SRRM3: variants seen among roughly 807,000 people sequenced by gnomAD.
The protein encoded by SRRM3 is serine/arginine repetitive matrix protein 3.
In SRRM3, 27 loss-of-function variants were observed where a neutral mutation model predicts 66.2. The ratio of observed to expected loss-of-function variants is 0.41; its 90% CI spans 0.30 to 0.56. The LOEUF (loss-of-function observed/expected upper bound fraction) is 0.56. Among genes scored for constraint, SRRM3 ranks in the 20% least tolerant of loss-of-function variants. The pLI, the probability that SRRM3 is intolerant of heterozygous loss-of-function variation, is 0.32. For missense variants in SRRM3, 918 were observed against 991.9 expected, an observed-to-expected ratio of 0.93 and a Z score of 1.00; for synonymous variants, 391 against 414.9, an observed-to-expected ratio of 0.94 and a Z score of 0.70.
At chr7:76,271,463 C>T (rs1207633786) in intron 11 of SRRM3, among the ~76,000 whole-genome samples, 1 of 151,892 alleles carries the variant, frequency 6.6e-6, no homozygotes, top group African/African-American at 2.4e-5. Flanking sequence ...GGCAACACTG[C>T]AAGACCCTGT....
intron 1 of SRRM3, among the ~76,000 whole-genome samples, chr7:76,205,772 G>A (rs1800286632): frequency 6.6e-6 from 1 of 152,144 alleles, no homozygotes. Flanking sequence ...TGGGCCACTG[G>A]GCCTGTCTAA....
At chr7:76,250,535 T>G (rs1249805721) in intron 3 of SRRM3, among the ~76,000 whole-genome samples, 1 of 152,126 alleles carries the variant, frequency 6.6e-6, no homozygotes, top group African/African-American at 2.4e-5. Context: ...CACCCAGTCT[T>G]AGTCATCGTA....
chr7:76,252,744 C>T (rs1160589764), intron 3 of SRRM3, among the ~76,000 whole-genome samples: 1 of 152,210 alleles, frequency 6.6e-6, no homozygotes, highest in East Asian at 1.9e-4. Flanking sequence ...GTCTTGACAT[C>T]ATAGGGAATG....
Position 76,214,254 on chromosome 7 carries a change from A to AAGT in SRRM3, c.-40+12187_-40+12188insAGT, listed in dbSNP as rs533667352. Among the ~76,000 whole-genome samples, 925 of 152,046 alleles carry AAGT rather than the reference A, an allele frequency of 6.1e-3. 7 individuals are homozygous for AAGT. Among genetic ancestry groups the AAGT allele is most frequent in the African/African-American group, 0.021 (868 of 41,442 alleles). On this transcript the variant is annotated intron_variant, in intron 1 of 14. Transcript: ENST00000611745. ...AGCAGAGTGGAGACTTGGAGAGGCC[A>AAGT]CTGCTGCACCAGGAGCTCCCACTCC...
intron 5 of SRRM3, 101 bp downstream of exon 5, chr7:76,260,298 GCCCCTCTCTGAGCCC>G (rs1801823820): frequency 5.6e-6 from 5 of 893,070 alleles, no homozygotes; most frequent in Non-Finnish European, 6.3e-6. Context: ...TGTGAGCCCC[GCCCCTCTCTGAGCCC>G]CTCCCTCGCC....
In SRRM3 at chr7:76,260,269, C is replaced by T. The variant is rs537276405; in HGVS notation, c.545+72C>T. ...TCTCTCCCCGGATGCCCGTCCCTGG[C>T]TCACAACCATGCAGCATTTGTGAGC... is the stretch of plus-strand genomic sequence containing the variant. On this transcript the variant is annotated intron_variant, in intron 5 of 14. Coordinates refer to ENST00000611745, the MANE Select transcript of SRRM3 (RefSeq NM_001110199.3). 1.2e-4 allele frequency: 144 copies of T among 1,205,636 alleles called. 5 individuals are homozygous for T. The South Asian group carries it at 2.1e-3, about 17-fold the overall frequency. The allele number at this position is 1,205,636 out of a possible 1,614,324, so 74.7% of individuals were successfully genotyped here. A position where few individuals can be genotyped will look rare whatever the true frequency, so the allele number is the denominator to read the frequency against.
chr7:76,236,005 C>CAAAAAAAAAAAAAAAA lies in SRRM3; in HGVS notation c.233+716_233+731dup, dbSNP rs1161706465. Among the ~76,000 whole-genome samples the CAAAAAAAAAAAAAAAA allele has an allele frequency of 2.1e-3, 42 of 20,270 alleles. 2 individuals carry two copies. Among genetic ancestry groups the CAAAAAAAAAAAAAAAA allele is most frequent in the Non-Finnish European group, 2.7e-3 (28 of 10,440 alleles). 13.3% of individuals were successfully genotyped at this position (20,270 alleles called of 152,430 possible). On this transcript the variant is annotated intron_variant, in intron 2 of 14. Coordinates refer to ENST00000611745, the MANE Select transcript of SRRM3 (RefSeq NM_001110199.3). The stretch of plus-strand genomic sequence containing the variant: ...TGGGCAACAGATCGAGATTCTGTCT[C>CAAAAAAAAAAAAAAAA]AAAAAAAAAAAAAAAAAAAAAAAAA...
At position 76,285,084 on chromosome 7, in the gene SRRM3, G is replaced by A. The variant is rs1320445381; in HGVS notation, c.1734-531G>A. Among the ~76,000 whole-genome samples, 1 of 151,344 alleles carries A rather than the reference G, an allele frequency of 6.6e-6. No homozygotes were observed. The highest frequency in any genetic ancestry group is 1.5e-5 in the Non-Finnish European group (1 of 67,868). On this transcript the variant is annotated intron_variant, in intron 14 of 14. Transcript: ENST00000611745. The surrounding 1 kb of genome is among the most constrained non-coding windows in gnomAD (Gnocchi z 4.1). The stretch of plus-strand genomic sequence containing the variant: ...TCATTCAACAAGTTTTTTTTTTTGA[G>A]ACGGAGTCTCACTCTGTCACCCAGG...
chr7:76,224,490 G>T (rs1030258435), intron 1 of SRRM3, among the ~76,000 whole-genome samples: 1 of 142,596 alleles, frequency 7.0e-6, no homozygotes, highest in Non-Finnish European at 1.5e-5. Flanking sequence ...GCTCCTGCAG[G>T]ACTGGGTGGG....
chr7:76,255,957 AT>A (rs1159407274), intron 3 of SRRM3, among the ~76,000 whole-genome samples: 1 of 152,124 alleles, frequency 6.6e-6, no homozygotes, highest in East Asian at 1.9e-4. Context: ...CCCTCCCCGG[AT>A]GACAGTCACA....
At chr7:76,273,249 C>T (rs1415235341) in intron 11 of SRRM3, 2 of 152,336 alleles carry the variant, frequency 1.3e-5, no homozygotes, top group African/African-American at 4.8e-5. Flanking sequence ...CCGGCATGGG[C>T]CTCTCTCCCA....
At chr7:76,228,584 T>C (rs1033282578) in intron 1 of SRRM3, among the ~76,000 whole-genome samples, 8 of 151,618 alleles carry the variant, frequency 5.3e-5, no homozygotes, top group African/African-American at 1.7e-4. Context: ...GTTAGCCGGG[T>C]GTAGTGGTGT....
intron 9 of SRRM3, 59 bp from the exon 10 acceptor site, chr7:76,265,305 C>G (rs981908910): frequency 1.5e-6 from 2 of 1,362,340 alleles, no homozygotes; most frequent in East Asian, 5.0e-5. Context: ...AACTTGGGGG[C>G]TGGGGGGATC....
chr7:76,281,175 G>A (rs1554611817), intron 11 of SRRM3, among the ~76,000 whole-genome samples: 1 of 145,104 alleles, frequency 6.9e-6, no homozygotes, highest in Non-Finnish European at 1.5e-5. Context: ...TCTTCTCTCT[G>A]TCTTTCCTCT....
chr7:76,265,663 G>T (rs536662680), intron 10 of SRRM3, among the ~76,000 whole-genome samples, 195 bp downstream of exon 10: 3 of 150,404 alleles, frequency 2.0e-5, no homozygotes, highest in Non-Finnish European at 4.4e-5. Context: ...CAGAAGGATC[G>T]CTTGAGGCCA....
intron 1 of SRRM3, among the ~76,000 whole-genome samples, chr7:76,218,610 CAT>C (rs1367614675): frequency 6.6e-6 from 1 of 150,898 alleles, no homozygotes; most frequent in Non-Finnish European, 1.5e-5. Context: ...TTGCTTATTT[CAT>C]ATCAGTTCTG....
intron 2 of SRRM3, among the ~76,000 whole-genome samples, chr7:76,243,932 G>A (rs1160100210): frequency 6.6e-6 from 1 of 152,200 alleles, no homozygotes; most frequent in Non-Finnish European, 1.5e-5. Context: ...CTTCCTGGGT[G>A]CCAGGCTCTG....
chr7:76,275,622 G>C (rs781900219), intron 11 of SRRM3, among the ~76,000 whole-genome samples: 1 of 152,066 alleles, frequency 6.6e-6, no homozygotes, highest in Non-Finnish European at 1.5e-5. Context: ...ATATGACCAG[G>C]GACCCACGAG....
In SRRM3 at chr7:76,283,046, A is replaced by G; in HGVS notation, c.1678A>G (p.Ile560Val). ...ARRRSRSYSP[I>V]RKRRRDSPSF... ...GCGCCGCTCCCGCAGCTACTCGCCC[A>G]TCCGCAAGCGGCGCCGGGACTCGCC... The change falls in exon 14 of 15, where the codon ATC becomes GTC. Residue 560 changes from isoleucine (I) to valine (V), a missense_variant. Physicochemically the swap from Ile to Val is conservative, Grantham distance 29 (BLOSUM62 3). Coordinates refer to ENST00000611745, the MANE Select transcript of SRRM3 (RefSeq NM_001110199.3). The G allele has an allele frequency of 1.3e-6, 2 of 1,496,288 alleles. No homozygotes were observed. Among genetic ancestry groups the G allele is most frequent in the Non-Finnish European group, 8.8e-7 (1 of 1,133,534 alleles). 92.7% of individuals were successfully genotyped at this position (1,496,288 alleles called of 1,614,324 possible).
Sources: gnomAD v4.1 joint callset for allele counts (sites outside exome capture counted in the v4.1 genomes callset) on GRCh38, gnomAD v4.1.1 for gene constraint, Gnocchi (gnomAD v3.1) non-coding constraint, MANE v1.5 for transcripts, NCBI Gene and HGNC (gene_info 2026-07-23, HGNC 2026-07-21) for gene names.